DOCK3: variants seen among roughly 807,000 people sequenced by gnomAD.
DOCK3 encodes dedicator of cytokinesis protein 3.
Under a neutral mutation model 265.6 loss-of-function variants are expected in DOCK3, and 60 were observed. The observed-to-expected ratio is 0.23, with a 90% CI of 0.18 to 0.28. The LOEUF is 0.28. Ranked by LOEUF, DOCK3 falls within the 10% of genes least tolerant of loss-of-function variation. The pLI is 1.00. For missense variants in DOCK3, 1,981 were observed against 2,594.3 expected, an observed-to-expected ratio of 0.76 and a Z score of 5.14; for synonymous variants, 881 against 938.0, an observed-to-expected ratio of 0.94 and a Z score of 1.11.
At chr3:50,743,058 A>G (rs2039171386) in intron 1 of DOCK3, among the ~76,000 whole-genome samples, 1 of 152,092 alleles carries the variant, frequency 6.6e-6, no homozygotes, top group Non-Finnish European at 1.5e-5. Context: ...AAAGAAAAGA[A>G]TTTTCAACCC....
At chr3:50,852,809 A>T (rs2046403977) in intron 3 of DOCK3, among the ~76,000 whole-genome samples, 1 of 152,102 alleles carries the variant, frequency 6.6e-6, no homozygotes, top group African/African-American at 2.4e-5. Flanking sequence ...TTTTATTTTT[A>T]AAAGATATTT....
intron 32 of DOCK3, among the ~76,000 whole-genome samples, chr3:51,320,434 T>G (rs1021339911): frequency 4.0e-5 from 6 of 151,880 alleles, no homozygotes; most frequent in Admixed American, 6.5e-5. Context: ...TTTTGTTTTT[T>G]TTTTTCATAC....
chr3:50,957,918 T>G (rs1237300578), intron 5 of DOCK3, among the ~76,000 whole-genome samples: 1 of 152,196 alleles, frequency 6.6e-6, no homozygotes, highest in Non-Finnish European at 1.5e-5. Context: ...CCTAGTTTAT[T>G]CTATTTTTTT....
intron 2 of DOCK3, among the ~76,000 whole-genome samples, chr3:50,825,512 T>C (rs1184636814): frequency 6.6e-6 from 1 of 152,172 alleles, no homozygotes; most frequent in East Asian, 1.9e-4. Context: ...GGTAGAAGTT[T>C]TGAGGTTTGT....
At chr3:50,910,066 A>G (rs896542205) in intron 4 of DOCK3, among the ~76,000 whole-genome samples, 1 of 151,984 alleles carries the variant, frequency 6.6e-6, no homozygotes. Context: ...TTTTAGCTTC[A>G]TCAGGTCAGT....
At chr3:50,798,979 G>A (rs1295371189) in intron 2 of DOCK3, among the ~76,000 whole-genome samples, 3 of 152,078 alleles carry the variant, frequency 2.0e-5, no homozygotes, top group Admixed American at 1.3e-4. Flanking sequence ...TGAAAAAATG[G>A]TCCTTTTGCC....
chr3:50,952,904 G>T (rs2076630384), intron 5 of DOCK3, among the ~76,000 whole-genome samples: 1 of 152,128 alleles, frequency 6.6e-6, no homozygotes, highest in Admixed American at 6.5e-5. Flanking sequence ...AACAGTACAT[G>T]AAGGCCCTTT....
At chr3:50,676,718 TGG>T (rs1191690126) in intron 1 of DOCK3, among the ~76,000 whole-genome samples, 5 of 1,948 alleles carry the variant, frequency 2.6e-3, no homozygotes, top group African/African-American at 0.011. Context: ...TTGGCGGGGG[TGG>T]GGGCGTGGGG....
intron 5 of DOCK3, among the ~76,000 whole-genome samples, chr3:50,959,476 G>A (rs2108374713): frequency 6.6e-6 from 1 of 150,400 alleles, no homozygotes; most frequent in South Asian, 2.1e-4. Context: ...TTCTACCTTT[G>A]ACCTGCATCT....
At chr3:50,811,952 G>A (rs1169436736) in intron 2 of DOCK3, among the ~76,000 whole-genome samples, 1 of 152,206 alleles carries the variant, frequency 6.6e-6, no homozygotes, top group Admixed American at 6.5e-5. Context: ...TACCTGTAGG[G>A]CTGAGAGAGG....
intron 5 of DOCK3, among the ~76,000 whole-genome samples, chr3:51,061,575 G>A (rs913457004): frequency 2.6e-5 from 4 of 151,976 alleles, no homozygotes; most frequent in Admixed American, 6.6e-5. Flanking sequence ...GGTGGGGAGA[G>A]GGGGGAGGGA....
intron 27 of DOCK3, among the ~76,000 whole-genome samples, chr3:51,284,256 T>C (rs2081292100): frequency 6.6e-6 from 1 of 152,118 alleles, no homozygotes; most frequent in Non-Finnish European, 1.5e-5. Context: ...GAAAAAAAAT[T>C]GCAGTTTTAT....
intron 22 of DOCK3, among the ~76,000 whole-genome samples, chr3:51,247,084 T>C (rs2078876406): frequency 6.6e-6 from 1 of 152,226 alleles, no homozygotes. Flanking sequence ...ATCAGTCCTT[T>C]CTACCACTGG....
intron 4 of DOCK3, among the ~76,000 whole-genome samples, chr3:50,894,360 C>A (rs1212914144): frequency 6.6e-6 from 1 of 151,982 alleles, no homozygotes; most frequent in Non-Finnish European, 1.5e-5. Flanking sequence ...TCAACCAGTA[C>A]CCAGCAAAAC....
At chr3:51,128,828 G>A (rs1169188192) in intron 9 of DOCK3, among the ~76,000 whole-genome samples, 3 of 152,280 alleles carry the variant, frequency 2.0e-5, no homozygotes, top group Non-Finnish European at 2.9e-5. Context: ...AAGCCCAAGC[G>A]TAACCTCCAT....
intron 2 of DOCK3, among the ~76,000 whole-genome samples, chr3:50,835,585 A>C (rs1559702639): frequency 6.6e-6 from 1 of 152,222 alleles, no homozygotes; most frequent in East Asian, 1.9e-4. Flanking sequence ...AACACATATA[A>C]ATACACAGAC....
intron 5 of DOCK3, among the ~76,000 whole-genome samples, chr3:51,049,325 CAGAAAGAAAGAAAGAA>C (rs112074555): frequency 6.6e-6 from 1 of 150,470 alleles, no homozygotes; most frequent in African/African-American, 2.5e-5. Flanking sequence ...GACCGTGTCT[CAGAAAGAAAGAAAGAA>C]AGAAAGAAAG....
At chr3:51,096,218 C>G (rs1251139909) in intron 9 of DOCK3, among the ~76,000 whole-genome samples, 2 of 152,186 alleles carry the variant, frequency 1.3e-5, no homozygotes, top group African/African-American at 4.8e-5. Context: ...GCATAATATC[C>G]TGAAGAGTGT....
intron 21 of DOCK3, among the ~76,000 whole-genome samples, chr3:51,238,204 G>A (rs1304367564): frequency 5.1e-5 from 6 of 118,286 alleles, no homozygotes; most frequent in East Asian, 2.6e-4. Flanking sequence ...GTGCAGTGGC[G>A]CAATCTTGGC....
Sources: gnomAD v4.1 joint callset for allele counts (sites outside exome capture counted in the v4.1 genomes callset) on GRCh38, gnomAD v4.1.1 for gene constraint, MANE v1.5 for transcripts, NCBI Gene and HGNC (gene_info 2026-07-23, HGNC 2026-07-21) for gene names.